The following SCNN1B variants were observed in gnomAD, a reference collection of about 807,000 sequenced individuals.
SCNN1B encodes the protein epithelial sodium channel subunit beta.
In SCNN1B, 46 loss-of-function variants were observed where a neutral mutation model predicts 65.3. The observed-to-expected ratio is 0.70, with a 90% CI of 0.56 to 0.90. SCNN1B has a LOEUF of 0.90. Among genes scored for constraint, SCNN1B ranks in the 40% least tolerant of loss-of-function variants. The pLI, the probability that SCNN1B is intolerant of heterozygous loss-of-function variation, is 0.00. For synonymous variants in SCNN1B, 349 were observed against 330.6 expected, an observed-to-expected ratio of 1.06 and a Z score of -0.60; for missense variants, 751 against 830.5, an observed-to-expected ratio of 0.90 and a Z score of 1.18.
In SCNN1B at chr16:23,314,641, A is replaced by T. The variant is rs72652285; in HGVS notation, c.-9+12204A>T. On this transcript the variant is annotated intron_variant, in intron 1 of 12. Coordinates refer to ENST00000343070, the MANE Select transcript of SCNN1B (RefSeq NM_000336.3). Reference sequence around the variant, plus strand: ...GAGGAGGGGAATTTTTTTCTCTGTGACATGGCTCTCGAAGCCTTTGGTTCA... The same window carrying T: ...GAGGAGGGGAATTTTTTTCTCTGTGTCATGGCTCTCGAAGCCTTTGGTTCA... Among the ~76,000 whole-genome samples the T allele has an allele frequency of 3.7e-3, 560 of 152,206 alleles. 3 individuals are homozygous for T. The highest frequency in any genetic ancestry group is 0.013 in the African/African-American group (522 of 41,538).
intron 11 of SCNN1B, among the ~76,000 whole-genome samples, chr16:23,379,577 A>G (rs892119922): frequency 1.3e-5 from 2 of 152,198 alleles, no homozygotes; most frequent in African/African-American, 4.8e-5. Context: ...GAGGACGATC[A>G]GGTGGGAGGG....
At chr16:23,351,787 G>A (rs189558449) in intron 2 of SCNN1B, among the ~76,000 whole-genome samples, 2 of 152,292 alleles carry the variant, frequency 1.3e-5, no homozygotes, top group Admixed American at 1.3e-4. Context: ...AGCGCCACAG[G>A]GCTGAGGGAA....
At chr16:23,351,358 G>A (rs916724283) in intron 2 of SCNN1B, among the ~76,000 whole-genome samples, 11 of 152,074 alleles carry the variant, frequency 7.2e-5, no homozygotes, top group African/African-American at 2.4e-4. Context: ...AGGTTAAGTT[G>A]CCCAAGATAT....
intron 4 of SCNN1B, among the ~76,000 whole-genome samples, chr16:23,365,620 A>AGAGAGAGAGAGAGAGAAAGAAAGAAAG: frequency 1.2e-5 from 1 of 80,502 alleles, no homozygotes; most frequent in South Asian, 4.5e-4. Flanking sequence ...AAAGAAAGAA[A>AGAGAGAGAGAGAGAGAAAGAAAGAAAG]AAAGAAAGAA....
intron 1 of SCNN1B, among the ~76,000 whole-genome samples, chr16:23,334,097 C>T (rs759558767): frequency 1.3e-5 from 2 of 152,170 alleles, no homozygotes; most frequent in Non-Finnish European, 2.9e-5. Context: ...CATTGCCACA[C>T]CATGGAATGA....
chr16:23,279,962 C>T (rs551743583), intron 1 of SCNN1B, among the ~76,000 whole-genome samples: 13 of 152,290 alleles, frequency 8.5e-5, no homozygotes, highest in Non-Finnish European at 7.4e-5. Flanking sequence ...TGAGACTTGT[C>T]GGTTGAAAAG....
chr16:23,321,626 C>T (rs1316953816), intron 1 of SCNN1B, among the ~76,000 whole-genome samples: 6 of 152,136 alleles, frequency 3.9e-5, no homozygotes, highest in Non-Finnish European at 8.8e-5. Flanking sequence ...AATGACCCCC[C>T]GGAGCATTGA....
At position 23,380,551 on chromosome 16, in the gene SCNN1B, T is replaced by C; in HGVS notation, c.1673T>C (p.Leu558Ser). 1 of 1,614,204 alleles carries C rather than the reference T, an allele frequency of 6.2e-7. No individual in the cohort carries two copies. The highest frequency in any genetic ancestry group is 2.2e-5 in the East Asian group (1 of 44,878). Residue 558 changes from leucine to serine, a missense_variant, in exon 13 of 13, where the codon TTG (leucine) becomes TCG (serine). Transcript: ENST00000343070. This position sits in a 1 kb window ranked among gnomAD's most constrained non-coding sequence, Gnocchi z 5.4. ...VWITIIKLVA[L>S]AKSLRQRRAQ... is the part of the protein sequence containing the mutation. ...ATCACCATCATCAAGCTGGTGGCCTTGGCCAAGAGCCTACGGCAGCGGCGA... is the reference window on the plus strand; with the variant it reads ...ATCACCATCATCAAGCTGGTGGCCTCGGCCAAGAGCCTACGGCAGCGGCGA...
intron 2 of SCNN1B, among the ~76,000 whole-genome samples, chr16:23,289,073 T>C (rs1272386579): frequency 1.3e-5 from 2 of 152,166 alleles, no homozygotes; most frequent in Non-Finnish European, 2.9e-5. Flanking sequence ...TCTTCGATGA[T>C]TAGAAGCAAG....
At chr16:23,369,835 C>T (rs1367503928) in intron 5 of SCNN1B, among the ~76,000 whole-genome samples, 1 of 152,210 alleles carries the variant, frequency 6.6e-6, no homozygotes, top group African/African-American at 2.4e-5. Flanking sequence ...AGACAAGTCC[C>T]TTCACTTCTC....
At chr16:23,354,377 G>A (rs1227075192) in intron 3 of SCNN1B, among the ~76,000 whole-genome samples, 1 of 152,266 alleles carries the variant, frequency 6.6e-6, no homozygotes, top group African/African-American at 2.4e-5. Context: ...GGGAAGGGTG[G>A]TGTAAGAATG....
At chr16:23,305,706 A>G (rs974209814) in intron 1 of SCNN1B, among the ~76,000 whole-genome samples, 1 of 148,964 alleles carries the variant, frequency 6.7e-6, no homozygotes, top group African/African-American at 2.5e-5. Flanking sequence ...GTGATCACAC[A>G]GTTGTACTCC....
chr16:23,315,333 G>C (rs1961431331), intron 1 of SCNN1B, among the ~76,000 whole-genome samples: 1 of 151,046 alleles, frequency 6.6e-6, no homozygotes, highest in African/African-American at 2.4e-5. Flanking sequence ...GCGAAAGTCT[G>C]TCTCAAAAAA....
chr16:23,369,344 A>C (rs546056153), intron 5 of SCNN1B, among the ~76,000 whole-genome samples: 4 of 152,144 alleles, frequency 2.6e-5, no homozygotes, highest in Non-Finnish European at 5.9e-5. Flanking sequence ...TTGGCCTCTC[A>C]AAGTACTGGG....
intron 1 of SCNN1B, among the ~76,000 whole-genome samples, chr16:23,330,206 G>A (rs550459843): frequency 2.6e-5 from 4 of 152,258 alleles, no homozygotes; most frequent in East Asian, 3.9e-4. Flanking sequence ...CAGGGACCCC[G>A]ACTCGGCAGG....
At position 23,378,774 on chromosome 16, in the gene SCNN1B, C is replaced by G. The variant is rs780946349; in HGVS notation, c.1466+7C>G. On this transcript the variant is annotated splice_region_variant and intron_variant, in intron 11 of 12. Transcript: ENST00000343070. ...CCAATATCACCCTGAGCAGGTGAGC[C>G]TGAGCCTGGGCGGGGCTGGGGAAGA... 6.2e-7 allele frequency: 1 copy of G among 1,613,790 alleles called. No individual in the cohort carries two copies. The highest frequency in any genetic ancestry group is 1.7e-5 in the Admixed American group (1 of 59,986).
At chr16:23,378,613 C>A in intron 10 of SCNN1B, 93 bp from the exon 11 acceptor site, 1 of 1,163,066 alleles carries the variant, frequency 8.6e-7, no homozygotes, top group Non-Finnish European at 1.3e-6. Flanking sequence ...CAGGAAGGGA[C>A]AGGGCTGTGG....
At chr16:23,350,321 C>T (rs62029384) in intron 2 of SCNN1B, among the ~76,000 whole-genome samples, 13,549 of 152,036 alleles carry the variant, frequency 0.089, 673 homozygotes, top group Middle Eastern at 0.14. Flanking sequence ...TGATGTGATC[C>T]CAGAACTGCT....
Position 23,371,851 on chromosome 16 carries a change from T to G in SCNN1B, c.1120T>G (p.Tyr374Asp). 3.1e-6 allele frequency: 5 copies of G among 1,614,024 alleles called. No homozygotes were observed. Among genetic ancestry groups the G allele is most frequent in the Non-Finnish European group, 4.2e-6 (5 of 1,179,830 alleles). ...TTCTGAGGTCCCCGTCCAAAACTTCTACAGTGACTACAACACGACCTACTC... is the reference window on the plus strand; with the variant it reads ...TTCTGAGGTCCCCGTCCAAAACTTCGACAGTGACTACAACACGACCTACTC... ...NGSEVPVQNF[Y>D]SDYNTTYSIQ... is the part of the protein sequence containing the mutation. The change falls in exon 7 of 13, where the codon TAC becomes GAC. Residue 374 changes from tyrosine (Y) to aspartate (D), a missense_variant. Tyr to Asp is a radical substitution (Grantham distance 160, BLOSUM62 -3). Coordinates refer to ENST00000343070, the MANE Select transcript of SCNN1B (RefSeq NM_000336.3).
Sources: allele counts gnomAD v4.1 joint callset (sites outside exome capture counted in the v4.1 genomes callset), GRCh38; gene constraint gnomAD v4.1.1; non-coding constraint Gnocchi (gnomAD v3.1); transcripts MANE v1.5; gene names NCBI Gene and HGNC (gene_info 2026-07-23, HGNC 2026-07-21).